The following GNG7 variants were observed in gnomAD, a reference collection of about 807,000 sequenced individuals.
GNG7 encodes guanine nucleotide-binding protein G(I)/G(S)/G(O) subunit gamma-7.
GNG7 carries 1 observed loss-of-function variant against 4.0 expected under a neutral mutation model. The ratio of observed to expected loss-of-function variants is 0.25; its 90% CI spans 0.09 to 1.18. The LOEUF (loss-of-function observed/expected upper bound fraction) is 1.18. GNG7 is among the 50% of genes most tolerant of loss of function. The pLI, the probability that GNG7 is intolerant of heterozygous loss-of-function variation, is 0.50. For missense variants in GNG7, 86 were observed against 91.9 expected (o/e 0.94, Z 0.26); for synonymous variants, 34 against 36.9 (o/e 0.92, Z 0.29).
rs1292556586 is a variant in GNG7, at chr19:2,529,045, T to G, written c.-37-8320A>C. ...CTGTCGCCACTCCCCTGACCTGCCC[T>G]GAGGCTGGGGTGCAGCAGGGAATTG... On this transcript the variant is annotated intron_variant, in intron 3 of 4. Transcript: ENST00000382159. Among the ~76,000 whole-genome samples the G allele has an allele frequency of 2.0e-5, 3 of 152,186 alleles. No individual in the cohort carries two copies. The East Asian group carries it at 5.8e-4, about 29-fold the overall frequency.
Position 2,618,371 on chromosome 19 carries a change from G to A in GNG7, c.-78+27853C>T, listed in dbSNP as rs1366036237. ...TGTGTGTGTGTGTGTGTGTGTGTGT[G>A]TGTATCTCACTCTGTTGCCCAGGCT... is the stretch of plus-strand genomic sequence containing the variant. On this transcript the variant is annotated intron_variant, in intron 2 of 4. Transcript: ENST00000382159. This position sits in a 1 kb window ranked among gnomAD's most constrained non-coding sequence, Gnocchi z 5.1. 6.7e-6 allele frequency among the ~76,000 whole-genome samples: 1 copy of A among 150,360 alleles called. No individual in the cohort carries two copies. The highest frequency in any genetic ancestry group is 1.5e-5 in the Non-Finnish European group (1 of 67,630).
chr19:2,558,120 C>T (rs775161213), intron 2 of GNG7, among the ~76,000 whole-genome samples: 29 of 151,968 alleles, frequency 1.9e-4, no homozygotes, highest in East Asian at 5.8e-4. Flanking sequence ...GGATTACAGG[C>T]GTGAGCCACC....
chr19:2,588,426 C>T (rs528261067), intron 2 of GNG7, among the ~76,000 whole-genome samples: 60 of 152,208 alleles, frequency 3.9e-4, no homozygotes, highest in Non-Finnish European at 7.5e-4. Context: ...CCTTAACGCA[C>T]GTCATGAGGT....
intron 1 of GNG7, among the ~76,000 whole-genome samples, chr19:2,696,607 C>T (rs575642407): frequency 3.9e-5 from 6 of 152,342 alleles, no homozygotes; most frequent in South Asian, 2.1e-4. Context: ...GGCCTGTCCA[C>T]GCACCGGAAC....
chr19:2,600,637 AT>A (rs964771163), intron 2 of GNG7, among the ~76,000 whole-genome samples: 19 of 147,656 alleles, frequency 1.3e-4, no homozygotes, highest in East Asian at 2.0e-4. Flanking sequence ...CACCTGGCTA[AT>A]TTTTTTTTTT....
At chr19:2,672,735 C>T (rs879695436) in intron 1 of GNG7, among the ~76,000 whole-genome samples, 5 of 151,960 alleles carry the variant, frequency 3.3e-5, no homozygotes, top group African/African-American at 4.8e-5. Context: ...TGTGAGCCAC[C>T]GCGCCTGGTC....
chr19:2,658,341 C>T (rs1983049906), intron 1 of GNG7, among the ~76,000 whole-genome samples: 1 of 152,032 alleles, frequency 6.6e-6, no homozygotes, highest in South Asian at 2.1e-4. Flanking sequence ...GTTGCATATT[C>T]CTCTTTGTTA....
At chr19:2,587,207 C>G (rs541521466) in intron 2 of GNG7, among the ~76,000 whole-genome samples, 2 of 152,048 alleles carry the variant, frequency 1.3e-5, no homozygotes, top group Admixed American at 1.3e-4. Flanking sequence ...GAGGAAGTGA[C>G]CTGCACACAA....
intron 3 of GNG7, among the ~76,000 whole-genome samples, chr19:2,549,172 C>G (rs1169020223): frequency 1.3e-5 from 2 of 152,314 alleles, no homozygotes; most frequent in East Asian, 1.9e-4. Flanking sequence ...TGGCTCAACG[C>G]TCGACGCTCA....
At chr19:2,625,055 C>T (rs77008840) in intron 2 of GNG7, among the ~76,000 whole-genome samples, 1,940 of 152,270 alleles carry the variant, frequency 0.013, 20 homozygotes, top group African/African-American at 0.027. Flanking sequence ...CATGTGTTGT[C>T]CCCTGGGGCC....
chr19:2,671,994 T>C (rs1599454354), intron 1 of GNG7, among the ~76,000 whole-genome samples: 2 of 130,644 alleles, frequency 1.5e-5, no homozygotes, highest in Admixed American at 1.8e-4. Context: ...GAGCTTGCAG[T>C]GAGCCGAGAT....
At position 2,511,765 on chromosome 19, in the gene GNG7, G is replaced by A. The variant is rs1972659159; in HGVS notation, c.*3257C>T. On this transcript the variant is annotated 3_prime_UTR_variant, in exon 5 of 5. Coordinates refer to ENST00000382159, the MANE Select transcript of GNG7 (RefSeq NM_052847.3). The surrounding 1 kb of genome is among the most constrained non-coding windows in gnomAD (Gnocchi z 6.3). ...AAGGAGGGAAACAGGAGCACCTTCC[G>A]CCCTGGCCCAGCCGCCCCGTTTATG... is the stretch of plus-strand genomic sequence containing the variant. 1 of 977,306 alleles carries A rather than the reference G, an allele frequency of 1.0e-6. No individual in the cohort carries two copies. The allele number at this position is 977,306 out of a possible 1,614,324, so 60.5% of individuals were successfully genotyped here.
At chr19:2,652,483 G>C (rs553660630) in intron 1 of GNG7, among the ~76,000 whole-genome samples, 1 of 152,186 alleles carries the variant, frequency 6.6e-6, no homozygotes, top group East Asian at 1.9e-4. Context: ...GCCGGGCGTG[G>C]TGGTGCATGC....
At chr19:2,599,168 GC>G (rs1266431709) in intron 2 of GNG7, among the ~76,000 whole-genome samples, 2 of 152,128 alleles carry the variant, frequency 1.3e-5, no homozygotes, top group Non-Finnish European at 2.9e-5. Context: ...ACCACGTGGT[GC>G]TTTTTGAACT....
chr19:2,634,262 G>C lies in GNG7; in HGVS notation c.-78+11962C>G, dbSNP rs1487668710. ...ACATTTGAGGCCCGATTGTTCTCTG[G>C]GGTGGGGCCGTCCTGGGCACTGCGG... On this transcript the variant is annotated intron_variant, in intron 2 of 4. Coordinates refer to ENST00000382159, the MANE Select transcript of GNG7 (RefSeq NM_052847.3). The surrounding 1 kb of genome is among the most constrained non-coding windows in gnomAD (Gnocchi z 5.3). 6.6e-6 allele frequency among the ~76,000 whole-genome samples: 1 copy of C among 151,984 alleles called. No individual in the cohort carries two copies. Among genetic ancestry groups the C allele is most frequent in the Non-Finnish European group, 1.5e-5 (1 of 67,980 alleles).
At chr19:2,564,302 TGA>T (rs1979835209) in intron 2 of GNG7, among the ~76,000 whole-genome samples, 1 of 151,996 alleles carries the variant, frequency 6.6e-6, no homozygotes, top group Non-Finnish European at 1.5e-5. Context: ...AGACACAGGC[TGA>T]GATTGGTGGC....
At chr19:2,598,917 T>C (rs1395256112) in intron 2 of GNG7, among the ~76,000 whole-genome samples, 1 of 152,140 alleles carries the variant, frequency 6.6e-6, no homozygotes, top group East Asian at 1.9e-4. Flanking sequence ...CTGATCTAAC[T>C]TCCAGCTCAC....
At position 2,609,101 on chromosome 19, in the gene GNG7, A is replaced by ACCGCAACCTCTGCCTCT. The variant is rs1339194947; in HGVS notation, c.-78+37106_-78+37122dup. ...GAGTGCAGTGGTGCGATCTTGGCTC[A>ACCGCAACCTCTGCCTCT]CCGCAACCTCTGCCTCTCAGGTTCA... is the stretch of plus-strand genomic sequence containing the variant. On this transcript the variant is annotated intron_variant, in intron 2 of 4. Transcript: ENST00000382159. This position sits in a 1 kb window ranked among gnomAD's most constrained non-coding sequence, Gnocchi z 4.4. Among the ~76,000 whole-genome samples, 7 of 151,816 alleles carry ACCGCAACCTCTGCCTCT rather than the reference A, an allele frequency of 4.6e-5. No homozygotes were observed. The highest frequency in any genetic ancestry group is 1.0e-4 in the Non-Finnish European group (7 of 67,998).
rs554219424 is a variant in GNG7 at position 2,674,622 on chromosome 19, G to A, written c.-135+28024C>T. ...GGCTAATTTTTGCATTTTTAGTAGA[G>A]ACGAGTTTTTACCATGTTGGCCAGG... On this transcript the variant is annotated intron_variant, in intron 1 of 4. Transcript: ENST00000382159. 3.9e-5 allele frequency among the ~76,000 whole-genome samples: 6 copies of A among 152,238 alleles called. No homozygotes were observed. The South Asian group carries it at 1.2e-3, about 32-fold the overall frequency.
Sources: gnomAD v4.1 joint callset for allele counts (sites outside exome capture counted in the v4.1 genomes callset) on GRCh38, gnomAD v4.1.1 for gene constraint, Gnocchi (gnomAD v3.1) non-coding constraint, MANE v1.5 for transcripts, NCBI Gene and HGNC (gene_info 2026-07-23, HGNC 2026-07-21) for gene names.